Variants in IDH3A observed in about 807,000 individuals in gnomAD.
The protein encoded by IDH3A is isocitrate dehydrogenase (NAD(+)) 3 catalytic subunit alpha, also known as isocitrate dehydrogenase [NAD] subunit alpha, mitochondrial.
IDH3A carries 23 observed loss-of-function variants against 43.3 expected under a neutral mutation model. The observed-to-expected ratio is 0.53, with a 90% CI of 0.38 to 0.75. The LOEUF (loss-of-function observed/expected upper bound fraction) is 0.75, where lower values mean the gene tolerates loss of function less well. Ranked by LOEUF, IDH3A falls within the 30% of genes least tolerant of loss-of-function variation. The pLI is 0.00. For synonymous variants in IDH3A, 154 were observed against 163.5 expected (o/e 0.94, Z 0.44); for missense variants, 329 against 474.4 (o/e 0.69, Z 2.85).
chr15:78,165,468 A>C (rs2141301871), intron 9 of IDH3A, among the ~76,000 whole-genome samples: 1 of 152,242 alleles, frequency 6.6e-6, no homozygotes, highest in East Asian at 1.9e-4. Context: ...CTGGGATTAC[A>C]GGTGTGAGCC....
chr15:78,155,982 A>T (rs1280902223), intron 2 of IDH3A, among the ~76,000 whole-genome samples: 1 of 152,230 alleles, frequency 6.6e-6, no homozygotes, highest in Non-Finnish European at 1.5e-5. Flanking sequence ...TGAAAGATTT[A>T]TAAGACCATA....
chr15:78,167,777 G>A (rs1295852939), intron 10 of IDH3A: 1 of 152,070 alleles, frequency 6.6e-6, no homozygotes, highest in Non-Finnish European at 1.5e-5. Flanking sequence ...CTTTGAGTCT[G>A]GCTTATTTCA....
At position 78,168,948 on chromosome 15, in the gene IDH3A, T is replaced by C. The variant is rs1017642843; in HGVS notation, c.1044T>C (p.Asn348=). The part of the protein sequence containing the change: ...GKSLTKDLGG[N]AKCSDFTEEI... ...GCTTGACAAAAGATTTGGGAGGCAA[T>C]GCAAAATGCTCAGACTTCACAGAGG... Residue 348 remains asparagine (N), a synonymous_variant, in exon 11 of 11, where the codon AAT becomes AAC. Transcript: ENST00000299518. 2.7e-5 allele frequency: 44 copies of C among 1,603,754 alleles called. No homozygotes were observed. The highest frequency in any genetic ancestry group is 3.5e-5 in the Non-Finnish European group (41 of 1,171,680).
At chr15:78,167,204 TTATA>T (rs2074754427) in intron 10 of IDH3A, among the ~76,000 whole-genome samples, 3 of 152,358 alleles carry the variant, frequency 2.0e-5, no homozygotes, top group East Asian at 1.9e-4. Flanking sequence ...TTTAAGTTCT[TTATA>T]TATCATCTCA....
In IDH3A at chr15:78,158,305, A is replaced by C. The variant is rs187412866; in HGVS notation, c.174+674A>C. Among the ~76,000 whole-genome samples, 407 of 151,646 alleles carry C rather than the reference A, an allele frequency of 2.7e-3. 1 individual carries two copies. The highest frequency in any genetic ancestry group is 4.8e-3 in the Admixed American group (73 of 15,194). On this transcript the variant is annotated intron_variant, in intron 3 of 10. Coordinates refer to ENST00000299518, the MANE Select transcript of IDH3A (RefSeq NM_005530.3). ...GGATTCAGCTGTAAGCTGCTTGTGA[A>C]CAGCACCGTGTCTGTCTGAGCTCGT...
In IDH3A at chr15:78,171,550, A is replaced by C. The variant is rs370953009; in HGVS notation, c.*2545A>C. The C allele has an allele frequency of 2.7e-4, 429 of 1,598,314 alleles. No individual in the cohort carries two copies. In the African/African-American group the frequency reaches 4.9e-3, roughly 18 times the overall value. On this transcript the variant is annotated 3_prime_UTR_variant, in exon 11 of 11. Coordinates refer to ENST00000299518, the MANE Select transcript of IDH3A (RefSeq NM_005530.3). The stretch of plus-strand genomic sequence containing the variant: ...GGGACCTAAAAGGGAAATGAGAAGA[A>C]ATGAGTGAGGCCCAGGCTCTGAGAA...
At position 78,157,259 on chromosome 15, in the gene IDH3A, A is replaced by G. The variant is rs149984218; in HGVS notation, c.91-289A>G. 215 of 861,792 alleles carry G rather than the reference A, an allele frequency of 2.5e-4. No homozygotes were observed. In the African/African-American group the frequency reaches 3.4e-3, roughly 14 times the overall value. 53.4% of individuals were successfully genotyped at this position (861,792 alleles called of 1,614,324 possible). A position where few individuals can be genotyped will look rare whatever the true frequency, so the allele number is the denominator to read the frequency against. On this transcript the variant is annotated intron_variant, in intron 2 of 10. Transcript: ENST00000299518. ...GCAGCTTGTCTGAAAAGAAATATCA[A>G]TTAGGAAATCTACTTGGTAGTTTAA...
In IDH3A at chr15:78,169,345, T is replaced by A. The variant is rs1347684152; in HGVS notation, c.*340T>A. On this transcript the variant is annotated 3_prime_UTR_variant, in exon 11 of 11. Coordinates refer to ENST00000299518, the MANE Select transcript of IDH3A (RefSeq NM_005530.3). ...CAGCTGTAAATAACAGGATACAGAATTAACAAGAGAAAATGTCTAACTTTT... is the reference window on the plus strand; with the variant it reads ...CAGCTGTAAATAACAGGATACAGAAATAACAAGAGAAAATGTCTAACTTTT... 1 of 171,428 alleles carries A rather than the reference T, an allele frequency of 5.8e-6. No individual in the cohort carries two copies. The highest frequency in any genetic ancestry group is 1.2e-5 in the Non-Finnish European group (1 of 81,060). The allele number at this position is 171,428 out of a possible 1,614,324, so 10.6% of individuals were successfully genotyped here. A position where few individuals can be genotyped will look rare whatever the true frequency, so the allele number is the denominator to read the frequency against.
intron 10 of IDH3A, chr15:78,168,373 C>T (rs984023228): frequency 6.6e-6 from 1 of 151,896 alleles, no homozygotes; most frequent in Non-Finnish European, 1.5e-5. Flanking sequence ...CTTGTAATTC[C>T]AGCTATTCAG....
chr15:78,153,177 G>A (rs986575167), intron 1 of IDH3A, among the ~76,000 whole-genome samples: 11 of 151,908 alleles, frequency 7.2e-5, no homozygotes, highest in Admixed American at 2.0e-4. Flanking sequence ...GCTCACAGAA[G>A]CCTCAAGCTC....
In IDH3A at chr15:78,170,432, T is replaced by C. The variant is rs537186662; in HGVS notation, c.*1427T>C. ...GCTTGTAACCGCCCCCCCAGACTTA[T>C]AATCTTAAATGTATTTTCCTTTGTT... On this transcript the variant is annotated 3_prime_UTR_variant, in exon 11 of 11. Transcript: ENST00000299518. 7.9e-5 allele frequency: 12 copies of C among 152,270 alleles called. No individual in the cohort carries two copies. The highest frequency in any genetic ancestry group is 2.9e-4 in the African/African-American group (12 of 41,542). 9.4% of individuals were successfully genotyped at this position (152,270 alleles called of 1,614,324 possible).
At chr15:78,167,189 C>T (rs768938104) in intron 10 of IDH3A, among the ~76,000 whole-genome samples, 3 of 152,218 alleles carry the variant, frequency 2.0e-5, no homozygotes, top group Non-Finnish European at 2.9e-5. Context: ...AATACTTATG[C>T]AACTTTTAAG....
At chr15:78,154,533 C>A (rs988457551) in intron 1 of IDH3A, 2 of 152,244 alleles carry the variant, frequency 1.3e-5, no homozygotes, top group Admixed American at 6.6e-5. Context: ...TGACCTTAGG[C>A]AAATGCTTTT....
At chr15:78,150,368 A>G (rs936281082) in intron 1 of IDH3A, among the ~76,000 whole-genome samples, 43 of 152,194 alleles carry the variant, frequency 2.8e-4, no homozygotes, top group African/African-American at 9.7e-4. Flanking sequence ...ATCAGGCCTC[A>G]AGTCTCCTGT....
intron 2 of IDH3A, chr15:78,156,876 A>G (rs776558931): frequency 1.5e-6 from 2 of 1,346,280 alleles, no homozygotes; most frequent in South Asian, 1.1e-5. Context: ...CTTTGCAGGT[A>G]TGATGACATA....
rs541022768 is a variant in IDH3A, at chr15:78,153,463, A to G, written c.28-1750A>G. ...CTTCCAATAGCCCACTCGCTGGTGGATGAATCATGCCCTAGGATTAACATT... is the reference window on the plus strand; with the variant it reads ...CTTCCAATAGCCCACTCGCTGGTGGGTGAATCATGCCCTAGGATTAACATT... On this transcript the variant is annotated intron_variant, in intron 1 of 10. Coordinates refer to ENST00000299518, the MANE Select transcript of IDH3A (RefSeq NM_005530.3). Among the ~76,000 whole-genome samples the G allele has an allele frequency of 7.9e-4, 121 of 152,352 alleles. 1 individual carries two copies. Among genetic ancestry groups the G allele is most frequent in the South Asian group, 6.0e-3 (29 of 4,826 alleles).
In IDH3A at chr15:78,168,801, A is replaced by G. The variant is rs2074783355; in HGVS notation, c.1018-121A>G. ...GTGGTTCCTCACTTTGAAATGAGGA[A>G]CTAAATGAAAGAGCAGCCGAGTAAC... On this transcript the variant is annotated intron_variant, in intron 10 of 10. Coordinates refer to ENST00000299518, the MANE Select transcript of IDH3A (RefSeq NM_005530.3). 1.5e-5 allele frequency: 10 copies of G among 657,518 alleles called. No individual in the cohort carries two copies. In the East Asian group the frequency reaches 2.3e-4, roughly 15 times the overall value. The allele number at this position is 657,518 out of a possible 1,614,324, so 40.7% of individuals were successfully genotyped here. A position where few individuals can be genotyped will look rare whatever the true frequency, so the allele number is the denominator to read the frequency against.
rs1313754309 is a variant in IDH3A, at chr15:78,171,508, C to T, written c.*2503C>T. 3.1e-6 allele frequency: 5 copies of T among 1,614,082 alleles called. No individual in the cohort carries two copies. Among genetic ancestry groups the T allele is most frequent in the South Asian group, 1.1e-5 (1 of 91,076 alleles). On this transcript the variant is annotated 3_prime_UTR_variant, in exon 11 of 11. Coordinates refer to ENST00000299518, the MANE Select transcript of IDH3A (RefSeq NM_005530.3). ...TTTGTACTTCTCCAAAACTGTGAGC[C>T]GTTTCAGTTTCATCGTGGGACCTAA...
chr15:78,160,128 A>T lies in IDH3A; in HGVS notation c.211A>T (p.Ile71Phe), dbSNP rs769283673. 1.9e-6 allele frequency: 3 copies of T among 1,613,534 alleles called. 1 individual carries two copies. In the South Asian group the frequency reaches 3.3e-5, roughly 18 times the overall value. Residue 71 changes from isoleucine to phenylalanine, a missense_variant, in exon 4 of 11, where the codon ATT becomes TTT. By Grantham distance (21) the Ile-to-Phe change is conservative (BLOSUM62 0). Around this residue, in one of 3 missense-constraint regions of IDH3A, gnomAD observed 212 missense variants for 345.5 expected, o/e 0.61. Coordinates refer to ENST00000299518, the MANE Select transcript of IDH3A (RefSeq NM_005530.3). The part of the protein sequence containing the change: ...IQWEERNVTA[I>F]QGPGGKWMIP... ...GTGGGAGGAGCGGAACGTCACTGCC[A>T]TTCAAGGACCTGGAGGAAAGTGGAT...
Sources: allele counts gnomAD v4.1 joint callset (sites outside exome capture counted in the v4.1 genomes callset), GRCh38; gene constraint gnomAD v4.1.1; regional missense constraint gnomAD v4.1.1; transcripts MANE v1.5; gene names NCBI Gene and HGNC (gene_info 2026-07-23, HGNC 2026-07-21).